Variants in SMU1 observed in about 807,000 individuals in gnomAD.
The protein encoded by SMU1 is WD40 repeat-containing protein SMU1.
In SMU1, 2 loss-of-function variants were observed where a neutral mutation model predicts 62.0. The ratio of observed to expected loss-of-function variants is 0.03; its 90% CI spans 0.01 to 0.10. The LOEUF (loss-of-function observed/expected upper bound fraction) is 0.10, where lower values mean the gene tolerates loss of function less well. Among genes scored for constraint, SMU1 ranks in the 10% least tolerant of loss-of-function variants. The pLI is 1.00. For missense variants in SMU1, 227 were observed against 622.1 expected, an observed-to-expected ratio of 0.36 and a Z score of 6.76; for synonymous variants, 188 against 212.4, an observed-to-expected ratio of 0.89 and a Z score of 1.00.
At chr9:33,053,409 TTTC>T in intron 9 of SMU1, 119 bp from the exon 10 acceptor site, 2 of 1,059,808 alleles carry the variant, frequency 1.9e-6, no homozygotes, top group South Asian at 3.1e-5. Flanking sequence ...GGGAAAAAAG[TTTC>T]TTACTTGATT....
chr9:33,067,939 A>G (rs979146877), intron 4 of SMU1, among the ~76,000 whole-genome samples: 1 of 152,156 alleles, frequency 6.6e-6, no homozygotes. Flanking sequence ...TATTTATAAT[A>G]TATCTATTAC....
chr9:33,057,496 A>C, intron 7 of SMU1, 102 bp downstream of exon 7: 1 of 1,388,608 alleles, frequency 7.2e-7, no homozygotes, highest in Non-Finnish European at 1.0e-6. Flanking sequence ...GATGCTCAAT[A>C]ATCAGTAGCT....
At chr9:33,072,672 C>G (rs958621903) in intron 2 of SMU1, among the ~76,000 whole-genome samples, 1 of 150,682 alleles carries the variant, frequency 6.6e-6, no homozygotes, top group Non-Finnish European at 1.5e-5. Context: ...CTCTACTAAA[C>G]ACAAAACTTA....
intron 5 of SMU1, 36 bp from the exon 6 acceptor site, chr9:33,060,620 T>A: frequency 1.9e-6 from 3 of 1,605,338 alleles, no homozygotes; most frequent in Non-Finnish European, 2.5e-6. Context: ...GATGCATTTT[T>A]ATCTAGTGGA....
intron 4 of SMU1, among the ~76,000 whole-genome samples, chr9:33,064,672 C>T (rs1839399790): frequency 6.6e-6 from 1 of 151,970 alleles, no homozygotes; most frequent in African/African-American, 2.4e-5. Context: ...TTATTAAATG[C>T]AGTATTTCTA....
At chr9:33,060,678 T>C in intron 5 of SMU1, 94 bp from the exon 6 acceptor site, 1 of 1,519,752 alleles carries the variant, frequency 6.6e-7, no homozygotes, top group Non-Finnish European at 9.0e-7. Context: ...TGCCCTAGCA[T>C]AAAGTCATAG....
rs1300308160 is a variant in SMU1 at position 33,046,418 on chromosome 9, T to TA, written c.*874dup. The TA allele has an allele frequency of 1.3e-5, 2 of 152,136 alleles. No homozygotes were observed. The highest frequency in any genetic ancestry group is 1.9e-4 in the East Asian group (1 of 5,192). The allele number at this position is 152,136 out of a possible 1,614,324, so 9.4% of individuals were successfully genotyped here. On this transcript the variant is annotated 3_prime_UTR_variant, in exon 12 of 12. Transcript: ENST00000397149. ...TGCATCACCTGGCCTTTTTACATGT[T>TA]AGTCTATCCTACTATCCCAGGAATT...
intron 1 of SMU1, among the ~76,000 whole-genome samples, chr9:33,074,947 A>AT (rs1839529137): frequency 6.6e-6 from 1 of 151,974 alleles, no homozygotes; most frequent in Admixed American, 6.6e-5. Context: ...TAATTGTTGT[A>AT]TTTTTTGTAG....
chr9:33,073,399 A>G (rs1288291621), intron 2 of SMU1, among the ~76,000 whole-genome samples, 197 bp downstream of exon 2: 1 of 152,220 alleles, frequency 6.6e-6, no homozygotes, highest in Non-Finnish European at 1.5e-5. Context: ...CCAGTCTCAA[A>G]AAAAGGAAAG....
chr9:33,049,809 G>A (rs755159158), intron 10 of SMU1, among the ~76,000 whole-genome samples: 1 of 142,914 alleles, frequency 7.0e-6, no homozygotes, highest in Non-Finnish European at 1.6e-5. Flanking sequence ...ATGGTGGCAC[G>A]TGCCTGTAGT....
In SMU1 at chr9:33,056,877, T is replaced by G; in HGVS notation, c.955A>C (p.Ser319Arg). Residue 319 changes from serine (S) to arginine (R), a missense_variant, in exon 8 of 12, where the codon AGC becomes CGC. By Grantham distance (110) the Ser-to-Arg change is moderately radical. This residue lies in a region of SMU1 where 98 missense variants were observed against 195.9 expected (regional missense o/e 0.50). Transcript: ENST00000397149. Reference sequence around the variant, plus strand: ...AAAGAAGCACTAAGGATCTGACTGCTATCCTTAGAAAAGCTTAGACAGGTG... The same window carrying G: ...AAAGAAGCACTAAGGATCTGACTGCGATCCTTAGAAAAGCTTAGACAGGTG... ...GVTCLSFSKD[S>R]SQILSASFDQ... 2 of 1,613,464 alleles carry G rather than the reference T, an allele frequency of 1.2e-6. No individual in the cohort carries two copies. The highest frequency in any genetic ancestry group is 1.7e-6 in the Non-Finnish European group (2 of 1,179,792).
chr9:33,053,867 A>C (rs1048639105), intron 9 of SMU1, among the ~76,000 whole-genome samples: 2 of 152,260 alleles, frequency 1.3e-5, no homozygotes, highest in African/African-American at 4.8e-5. Flanking sequence ...AACTTTTAAA[A>C]ATCTATGATC....
At chr9:33,058,737 CATAAA>C (rs1311508973) in intron 6 of SMU1, among the ~76,000 whole-genome samples, 3 of 151,788 alleles carry the variant, frequency 2.0e-5, no homozygotes, top group African/African-American at 4.8e-5. Context: ...AAAAATTAAA[CATAAA>C]ATAAAAGATT....
intron 4 of SMU1, among the ~76,000 whole-genome samples, chr9:33,065,709 C>A (rs962152543): frequency 3.3e-5 from 5 of 152,116 alleles, no homozygotes; most frequent in Admixed American, 2.0e-4. Flanking sequence ...AAAACAGGGG[C>A]AATATTAAAG....
rs187475589 is a variant in SMU1, at chr9:33,050,751, G to A, written c.1290+2372C>T. On this transcript the variant is annotated intron_variant, in intron 10 of 11. Transcript: ENST00000397149. ...TGAGGCAGGAGAATCGCTCGAACCC[G>A]GGGGCCGGAGGTTGCAGTGAGCTGA... Among the ~76,000 whole-genome samples, 517 of 148,988 alleles carry A rather than the reference G, an allele frequency of 3.5e-3. 5 individuals are homozygous for A. The highest frequency in any genetic ancestry group is 0.012 in the African/African-American group (492 of 40,360).
intron 8 of SMU1, among the ~76,000 whole-genome samples, 186 bp from the exon 9 acceptor site, chr9:33,056,425 G>GA (rs1839304768): frequency 6.6e-6 from 1 of 152,170 alleles, no homozygotes; most frequent in South Asian, 2.1e-4. Flanking sequence ...GCTTTGCAAA[G>GA]AAAGAGGCTG....
intron 10 of SMU1, among the ~76,000 whole-genome samples, chr9:33,049,783 C>CACACAT (rs1378258179): frequency 6.6e-6 from 1 of 151,910 alleles, no homozygotes; most frequent in African/African-American, 2.4e-5. Flanking sequence ...CACACACACA[C>CACACAT]ACACAAAAGT....
At chr9:33,074,728 T>C (rs1839525081) in intron 1 of SMU1, among the ~76,000 whole-genome samples, 1 of 151,608 alleles carries the variant, frequency 6.6e-6, no homozygotes. Context: ...AAACTGGCAG[T>C]GTGGCTCTAG....
intron 2 of SMU1, among the ~76,000 whole-genome samples, chr9:33,073,214 T>C (rs925266127): frequency 2.0e-5 from 3 of 152,058 alleles, no homozygotes; most frequent in Non-Finnish European, 4.4e-5. Context: ...CTGGGTATTA[T>C]GGTGAGATCC....
Sources: allele counts gnomAD v4.1 joint callset (sites outside exome capture counted in the v4.1 genomes callset), GRCh38; gene constraint gnomAD v4.1.1; regional missense constraint gnomAD v4.1.1; transcripts MANE v1.5; gene names NCBI Gene and HGNC (gene_info 2026-07-23, HGNC 2026-07-21).